The following ZC3H4 variants were observed in gnomAD, a reference collection of about 807,000 sequenced individuals.
ZC3H4 encodes zinc finger CCCH-type containing 4, also known as zinc finger CCCH domain-containing protein 4.
ZC3H4 carries 13 observed loss-of-function variants against 108.3 expected under a neutral mutation model. The ratio of observed to expected loss-of-function variants is 0.12; its 90% CI spans 0.08 to 0.19. The LOEUF (loss-of-function observed/expected upper bound fraction) is 0.19. Among genes scored for constraint, ZC3H4 ranks in the 10% least tolerant of loss-of-function variants. The probability of loss-of-function intolerance (pLI) is 1.00; values close to 1 mark genes in which losing one functional copy is unlikely to be tolerated. For missense variants in ZC3H4, 1,734 were observed against 1,838.8 expected, an observed-to-expected ratio of 0.94 and a Z score of 1.04; for synonymous variants, 917 against 749.6, an observed-to-expected ratio of 1.22 and a Z score of -3.65.
At chr19:47,078,005 T>A (rs1279214185) in intron 11 of ZC3H4, among the ~76,000 whole-genome samples, 8 of 152,192 alleles carry the variant, frequency 5.3e-5, no homozygotes, top group Admixed American at 4.6e-4. Flanking sequence ...AATTTACTTT[T>A]AACGGACTCA....
rs376031169 is a variant in ZC3H4, at chr19:47,078,470, C to T, written c.1440+3043G>A. 4.0e-5 allele frequency among the ~76,000 whole-genome samples: 6 copies of T among 148,220 alleles called. No individual in the cohort carries two copies. The East Asian group carries it at 1.0e-3, about 25-fold the overall frequency. ...ACTGCACTCCAGCCTGGCAACAGAG[C>T]GAGACTCCGTTTCAAAAAAAACAAA... On this transcript the variant is annotated intron_variant, in intron 11 of 14. Transcript: ENST00000253048.
chr19:47,066,580 CG>C lies in ZC3H4; in HGVS notation c.3687del (p.Ala1230LeufsTer30). 1 of 1,589,940 alleles carries C rather than the reference CG, an allele frequency of 6.3e-7. No individual in the cohort carries two copies. Among genetic ancestry groups the C allele is most frequent in the South Asian group, 1.1e-5 (1 of 87,660 alleles). ...NRPRPKAAAA[P>X]AATTATPPPE... ...GGGGGTGGGGTGGCGGTGGTGGCAG[CG>C]GGGGCTGCAGCAGCCTTGGGCCGGG... On this transcript the variant is annotated frameshift_variant, in exon 15 of 15. Coordinates refer to ENST00000253048, the MANE Select transcript of ZC3H4 (RefSeq NM_015168.2). LOFTEE classifies it high-confidence loss of function.
At chr19:47,070,156 T>C (rs1180387034) in intron 13 of ZC3H4, among the ~76,000 whole-genome samples, 1 of 151,946 alleles carries the variant, frequency 6.6e-6, no homozygotes, top group Non-Finnish European at 1.5e-5. Flanking sequence ...CTGGAGTCAG[T>C]GCTGCCCCAC....
chr19:47,071,144 C>T (rs1412921560), intron 13 of ZC3H4, among the ~76,000 whole-genome samples: 2 of 150,280 alleles, frequency 1.3e-5, no homozygotes, highest in Non-Finnish European at 3.0e-5. Context: ...TAAGAATGGC[C>T]AATGCTGAAA....
At chr19:47,084,751 G>T (rs1393772197) in intron 8 of ZC3H4, among the ~76,000 whole-genome samples, 2 of 152,116 alleles carry the variant, frequency 1.3e-5, no homozygotes, top group Non-Finnish European at 2.9e-5. Flanking sequence ...TGGTGGCATG[G>T]GTCTCCCTGC....
Position 47,069,305 on chromosome 19 carries a change from C to T in ZC3H4, c.2185G>A (p.Gly729Arg). 1 of 1,613,792 alleles carries T rather than the reference C, an allele frequency of 6.2e-7. No individual in the cohort carries two copies. The highest frequency in any genetic ancestry group is 1.1e-5 in the South Asian group (1 of 91,044). ...GGGTGCTCAGGGAAGAGGTGCTCCC[C>T]AGGCTCCCCTGGCAGCTCTTCGTAG... ...GHYEELPGEP[G>R]EHLFPEHPLE... Residue 729 changes from glycine (G) to arginine (R), a missense_variant, in exon 14 of 15, where the codon GGG (glycine) becomes AGG (arginine). Around this residue, in one of 9 missense-constraint regions of ZC3H4, gnomAD observed 540 missense variants for 484.1 expected, o/e 1.12. Transcript: ENST00000253048.
chr19:47,099,886 A>G (rs1023900383), intron 2 of ZC3H4, among the ~76,000 whole-genome samples: 12 of 151,760 alleles, frequency 7.9e-5, no homozygotes, highest in African/African-American at 2.7e-4. Flanking sequence ...TGGGAACAGC[A>G]GCGGTTACCT....
rs144314807 is a variant in ZC3H4, at chr19:47,079,666, G to A, written c.1440+1847C>T. ...TAATCCCAGCGATTTGGGAGGCCAA[G>A]GTGGGCGGATCACAAGGTCAGTAGT... is the stretch of plus-strand genomic sequence containing the variant. On this transcript the variant is annotated intron_variant, in intron 11 of 14. Coordinates refer to ENST00000253048, the MANE Select transcript of ZC3H4 (RefSeq NM_015168.2). Among the ~76,000 whole-genome samples, 46 of 152,282 alleles carry A rather than the reference G, an allele frequency of 3.0e-4. 1 individual carries two copies. In the East Asian group the frequency reaches 4.6e-3, roughly 15 times the overall value.
chr19:47,091,963 C>T (rs1018771176), intron 4 of ZC3H4, among the ~76,000 whole-genome samples: 9 of 152,076 alleles, frequency 5.9e-5, no homozygotes, highest in Non-Finnish European at 8.8e-5. Context: ...AATCCCCGCA[C>T]TTTGGGAGGC....
intron 2 of ZC3H4, among the ~76,000 whole-genome samples, chr19:47,101,713 A>C (rs2057906232): frequency 6.6e-6 from 1 of 151,928 alleles, no homozygotes; most frequent in Non-Finnish European, 1.5e-5. Context: ...TCTACTAAAA[A>C]TACAAAAATT....
In ZC3H4 at chr19:47,067,176, G is replaced by A. The variant is rs368809461; in HGVS notation, c.3092C>T (p.Thr1031Met). The A allele has an allele frequency of 2.4e-5, 38 of 1,611,448 alleles. No homozygotes were observed. The African/African-American group carries it at 2.7e-4, about 11-fold the overall frequency. The change falls in exon 15 of 15, where the codon ACG (threonine) becomes ATG (methionine). Residue 1031 changes from threonine to methionine, a missense_variant. By Grantham distance (81) the Thr-to-Met change is moderately conservative. This residue lies in a region of ZC3H4 where 518 missense variants were observed against 499.6 expected (regional missense o/e 1.04). Transcript: ENST00000253048. The surrounding 1 kb of genome is among the most constrained non-coding windows in gnomAD (Gnocchi z 6.4). ...GTTGGCGCCCTGTGTGCTGGAATCC[G>A]TGGAGGCGCCCGGGCGCTGCCGGGC... ...PNARQRPGAS[T>M]DSSTQGANLP...
chr19:47,094,311 C>T (rs754188510), intron 3 of ZC3H4, 78 bp downstream of exon 3: 40 of 1,516,484 alleles, frequency 2.6e-5, no homozygotes, highest in Admixed American at 3.4e-5. Flanking sequence ...CTGGGGTGGA[C>T]AGCAAAAGCT....
At chr19:47,094,295 T>C in intron 3 of ZC3H4, 94 bp downstream of exon 3, 2 of 1,377,432 alleles carry the variant, frequency 1.5e-6, no homozygotes, top group Non-Finnish European at 2.0e-6. Flanking sequence ...GCATTAAGAG[T>C]GCCCTCTGGG....
At position 47,066,687 on chromosome 19, in the gene ZC3H4, G is replaced by C. The variant is rs374153555; in HGVS notation, c.3581C>G (p.Ser1194Cys). The C allele has an allele frequency of 8.1e-6, 13 of 1,610,892 alleles. No homozygotes were observed. The highest frequency in any genetic ancestry group is 1.1e-5 in the Non-Finnish European group (13 of 1,179,296). The change falls in exon 15 of 15, where the codon TCT (serine) becomes TGT (cysteine). Residue 1194 changes from serine (S) to cysteine (C), a missense_variant. By Grantham distance (112) the Ser-to-Cys change is moderately radical (BLOSUM62 -1). This residue lies in a region of ZC3H4 where 518 missense variants were observed against 499.6 expected (regional missense o/e 1.04). Coordinates refer to ENST00000253048, the MANE Select transcript of ZC3H4 (RefSeq NM_015168.2). ...CCCTGTCTCTGGCTGTTCCAGGGCA[G>C]ACTTGCGGACGAACGGGGGCTCCTT... ...KAKEPPFVRK[S>C]ALEQPETGKA...
At position 47,082,565 on chromosome 19, in the gene ZC3H4, G is replaced by A. The variant is rs533675114; in HGVS notation, c.1219-270C>T. ...TGGGTTCAAGTGATCCTCCCACTTT[G>A]GCCTCCCAAAGCGCTGGGATTATAG... On this transcript the variant is annotated intron_variant, in intron 9 of 14. Coordinates refer to ENST00000253048, the MANE Select transcript of ZC3H4 (RefSeq NM_015168.2). Among the ~76,000 whole-genome samples the A allele has an allele frequency of 4.6e-4, 70 of 152,152 alleles. 2 individuals are homozygous for A. The South Asian group carries it at 0.014, about 30-fold the overall frequency.
intron 9 of ZC3H4, 29 bp downstream of exon 9, chr19:47,084,316 A>C: frequency 6.2e-7 from 1 of 1,603,770 alleles, no homozygotes; most frequent in Non-Finnish European, 8.5e-7. Flanking sequence ...ATGGCCTCCT[A>C]GAGGTGCCCA....
At chr19:47,101,818 C>G (rs1353512327) in intron 2 of ZC3H4, among the ~76,000 whole-genome samples, 2 of 149,884 alleles carry the variant, frequency 1.3e-5, no homozygotes, top group Non-Finnish European at 3.0e-5. Context: ...TTGCAATGAG[C>G]GATCGCACCA....
At chr19:47,081,911 A>C (rs967948813) in intron 10 of ZC3H4, among the ~76,000 whole-genome samples, 1 of 152,152 alleles carries the variant, frequency 6.6e-6, no homozygotes, top group African/African-American at 2.4e-5. Context: ...GTATAAAACC[A>C]CCTGGAAGAA....
intron 14 of ZC3H4, among the ~76,000 whole-genome samples, chr19:47,068,190 G>A (rs997068742): frequency 3.3e-5 from 5 of 152,238 alleles, no homozygotes; most frequent in African/African-American, 9.6e-5. Context: ...CAGAAGCACA[G>A]TGCCGTTACA....
Sources: gnomAD v4.1 joint callset for allele counts (sites outside exome capture counted in the v4.1 genomes callset) on GRCh38, gnomAD v4.1.1 for gene constraint, gnomAD v4.1.1 regional missense constraint, Gnocchi (gnomAD v3.1) non-coding constraint, MANE v1.5 for transcripts, NCBI Gene and HGNC (gene_info 2026-07-23, HGNC 2026-07-21) for gene names.